Variants in PLXDC2 observed in about 807,000 individuals in gnomAD.
PLXDC2 encodes plexin domain containing 2.
PLXDC2 carries 40 observed loss-of-function variants against 68.9 expected under a neutral mutation model. The observed-to-expected ratio is 0.58, with a 90% confidence interval of 0.45 to 0.76. PLXDC2 has a LOEUF of 0.76. PLXDC2 is among the 30% of genes least tolerant of loss of function. PLXDC2 has a pLI of 0.00. For synonymous variants in PLXDC2, 243 were observed against 234.2 expected (o/e 1.04, Z -0.34); for missense variants, 644 against 661.9 (o/e 0.97, Z 0.30).
At chr10:20,261,888 T>C (rs982197623) in intron 13 of PLXDC2, among the ~76,000 whole-genome samples, 14 of 151,958 alleles carry the variant, frequency 9.2e-5, no homozygotes, top group African/African-American at 3.4e-4. Flanking sequence ...CAAAGAATAA[T>C]ATCCCTACAG....
chr10:20,118,062 ATG>A (rs923570208), intron 4 of PLXDC2, among the ~76,000 whole-genome samples: 2 of 151,978 alleles, frequency 1.3e-5, no homozygotes, highest in African/African-American at 4.8e-5. Context: ...ATGTATACAT[ATG>A]TGTCTATATA....
At chr10:20,047,217 T>C (rs1419161126) in intron 3 of PLXDC2, among the ~76,000 whole-genome samples, 2 of 152,170 alleles carry the variant, frequency 1.3e-5, no homozygotes, top group East Asian at 3.8e-4. Flanking sequence ...GAAAATGAAA[T>C]AGAATTGTTT....
At chr10:19,994,425 C>G (rs1361733795) in intron 1 of PLXDC2, among the ~76,000 whole-genome samples, 1 of 144,498 alleles carries the variant, frequency 6.9e-6, no homozygotes, top group African/African-American at 2.6e-5. Context: ...TCTTCCTAGG[C>G]TCAAGCGATC....
rs78212177 is a variant in PLXDC2, at chr10:20,267,236, A to G, written c.1474-12467A>G. ...AAATATTCGCCTTTTAAAAATTATT[A>G]TGATGTAGTGTTTAGTTGTTAAGGC... On this transcript the variant is annotated intron_variant, in intron 13 of 13. Transcript: ENST00000377252. Among the ~76,000 whole-genome samples, 3 of 152,300 alleles carry G rather than the reference A, an allele frequency of 2.0e-5. No homozygotes were observed. In the East Asian group the frequency reaches 5.8e-4, roughly 29 times the overall value.
intron 4 of PLXDC2, 21 bp downstream of exon 4, chr10:20,068,260 T>A (rs769785524): frequency 6.4e-7 from 1 of 1,565,320 alleles, no homozygotes; most frequent in Non-Finnish European, 8.8e-7. Context: ...TTCTACCCAT[T>A]CACCTTAAGT....
intron 9 of PLXDC2, among the ~76,000 whole-genome samples, chr10:20,188,376 C>CTTAT: frequency 6.6e-6 from 1 of 151,614 alleles, no homozygotes; most frequent in East Asian, 1.9e-4. Context: ...CTGTGTCTGG[C>CTTAT]TTATTTCACA....
intron 1 of PLXDC2, among the ~76,000 whole-genome samples, chr10:19,861,705 G>A (rs1413611206): frequency 6.6e-6 from 1 of 152,088 alleles, no homozygotes; most frequent in East Asian, 1.9e-4. Context: ...CAATTCAAAT[G>A]TCCAGTCTTT....
At chr10:19,944,077 G>A (rs1307229561) in intron 1 of PLXDC2, among the ~76,000 whole-genome samples, 2 of 152,166 alleles carry the variant, frequency 1.3e-5, no homozygotes, top group South Asian at 4.1e-4. Flanking sequence ...AAGAATTTTA[G>A]ATTATAACTG....
chr10:19,826,362 T>C (rs1836569009), intron 1 of PLXDC2, among the ~76,000 whole-genome samples: 1 of 152,222 alleles, frequency 6.6e-6, no homozygotes, highest in African/African-American at 2.4e-5. Flanking sequence ...TTTAATTTGC[T>C]AATTCCAGGA....
chr10:20,125,434 G>C (rs1833759927), intron 4 of PLXDC2, among the ~76,000 whole-genome samples: 1 of 152,136 alleles, frequency 6.6e-6, no homozygotes. Context: ...TTGTAGTCTT[G>C]GATGAAGGGC....
At chr10:20,100,205 T>C (rs1005551255) in intron 4 of PLXDC2, among the ~76,000 whole-genome samples, 1 of 152,168 alleles carries the variant, frequency 6.6e-6, no homozygotes, top group African/African-American at 2.4e-5. Flanking sequence ...TATGTTGCAC[T>C]GGGGAAAAGT....
At chr10:19,841,094 G>C (rs567862806) in intron 1 of PLXDC2, among the ~76,000 whole-genome samples, 1 of 152,214 alleles carries the variant, frequency 6.6e-6, no homozygotes, top group South Asian at 2.1e-4. Context: ...TTGATTAGCC[G>C]AACCATGGAA....
intron 13 of PLXDC2, among the ~76,000 whole-genome samples, chr10:20,269,524 G>C (rs1835909825): frequency 6.6e-6 from 1 of 152,040 alleles, no homozygotes; most frequent in African/African-American, 2.4e-5. Context: ...CTTTTCAGAT[G>C]GAATGGGGAT....
chr10:20,259,961 T>C, intron 13 of PLXDC2, among the ~76,000 whole-genome samples: 1 of 152,042 alleles, frequency 6.6e-6, no homozygotes, highest in Non-Finnish European at 1.5e-5. Context: ...CTATAAAAGC[T>C]GGGGAAGGGA....
chr10:19,937,456 C>G (rs1280704216), intron 1 of PLXDC2, among the ~76,000 whole-genome samples: 1 of 150,242 alleles, frequency 6.7e-6, no homozygotes, highest in Non-Finnish European at 1.5e-5. Context: ...GCAACTTCAT[C>G]CACAGCAGAA....
At chr10:19,908,724 A>G (rs1264495603) in intron 1 of PLXDC2, among the ~76,000 whole-genome samples, 1 of 152,050 alleles carries the variant, frequency 6.6e-6, no homozygotes, top group Non-Finnish European at 1.5e-5. Flanking sequence ...ATATTACCTC[A>G]TTTATTCCAC....
chr10:19,950,161 G>C (rs540405854), intron 1 of PLXDC2, among the ~76,000 whole-genome samples: 1 of 152,122 alleles, frequency 6.6e-6, no homozygotes, highest in African/African-American at 2.4e-5. Context: ...AATTGTCCTA[G>C]TCTGAGAAAT....
At chr10:19,955,381 C>T (rs1341269900) in intron 1 of PLXDC2, among the ~76,000 whole-genome samples, 1 of 151,816 alleles carries the variant, frequency 6.6e-6, no homozygotes, top group Non-Finnish European at 1.5e-5. Context: ...AGAAAAATGA[C>T]ATCCCCCAAC....
chr10:20,211,531 G>T (rs931162127), intron 9 of PLXDC2, 138 bp from the exon 10 acceptor site: 10 of 665,994 alleles, frequency 1.5e-5, no homozygotes, highest in Non-Finnish European at 2.3e-5. Context: ...CCAGTTGCGA[G>T]TTCTATAGAA....
Sources: allele counts gnomAD v4.1 joint callset (sites outside exome capture counted in the v4.1 genomes callset), GRCh38; gene constraint gnomAD v4.1.1; transcripts MANE v1.5; gene names NCBI Gene and HGNC (gene_info 2026-07-23, HGNC 2026-07-21).